BRIP1: variants seen among roughly 807,000 people sequenced by gnomAD.
The protein encoded by BRIP1 is BRCA1 interacting DNA helicase 1.
Under a neutral mutation model 119.7 loss-of-function variants are expected in BRIP1, and 88 were observed. The ratio of observed to expected loss-of-function variants is 0.74; its 90% CI spans 0.62 to 0.88. The LOEUF (loss-of-function observed/expected upper bound fraction) is 0.88. BRIP1 is among the 40% of genes least tolerant of loss of function. The pLI, the probability that BRIP1 is intolerant of heterozygous loss-of-function variation, is 0.00. For synonymous variants in BRIP1, 443 were observed against 496.5 expected, an observed-to-expected ratio of 0.89 and a Z score of 1.43; for missense variants, 1,259 against 1,455.4, an observed-to-expected ratio of 0.87 and a Z score of 2.20.
chr17:61,727,788 CTCTATA>C (rs1360190699), intron 16 of BRIP1, among the ~76,000 whole-genome samples: 2 of 145,412 alleles, frequency 1.4e-5, no homozygotes, highest in Admixed American at 6.8e-5. Flanking sequence ...CTCTCTCTCT[CTCTATA>C]TATATATATA....
chr17:61,743,158 T>C lies in BRIP1; in HGVS notation c.2258-24A>G, dbSNP rs1311011278. The C allele has an allele frequency of 6.2e-7, 1 of 1,613,126 alleles. No homozygotes were observed. The highest frequency in any genetic ancestry group is 8.5e-7 in the Non-Finnish European group (1 of 1,179,256). On this transcript the variant is annotated intron_variant, in intron 15 of 19. Transcript: ENST00000259008. This position sits in a 1 kb window ranked among gnomAD's most constrained non-coding sequence, Gnocchi z 4.3. Reference sequence around the variant, plus strand: ...ATCTTAAACAACAGAAAAAAGCATATCCAAAATTCTCAGAAATTGCTTATT... The same window carrying C: ...ATCTTAAACAACAGAAAAAAGCATACCCAAAATTCTCAGAAATTGCTTATT...
chr17:61,706,199 A>G lies in BRIP1; in HGVS notation c.2492+9752T>C, dbSNP rs566830781. 1.4e-4 allele frequency among the ~76,000 whole-genome samples: 21 copies of G among 152,064 alleles called. No individual in the cohort carries two copies. Among genetic ancestry groups the G allele is most frequent in the Admixed American group, 2.6e-4 (4 of 15,274 alleles). On this transcript the variant is annotated intron_variant, in intron 17 of 19. Coordinates refer to ENST00000259008, the MANE Select transcript of BRIP1 (RefSeq NM_032043.3). The surrounding 1 kb of genome is among the most constrained non-coding windows in gnomAD (Gnocchi z 5.7). ...CCTAATTTTGTTTGCTTGGAATTCT[A>G]CTTTATCTGGTATTATACAGTTACT...
chr17:61,731,897 T>G (rs2076848572), intron 16 of BRIP1, among the ~76,000 whole-genome samples: 1 of 142,874 alleles, frequency 7.0e-6, no homozygotes, highest in African/African-American at 2.5e-5. Flanking sequence ...TAATACTTGG[T>G]GCTCTAGCCA....
intron 10 of BRIP1, among the ~76,000 whole-genome samples, chr17:61,792,237 T>C (rs569759674): frequency 6.6e-6 from 1 of 152,290 alleles, no homozygotes; most frequent in East Asian, 1.9e-4. Flanking sequence ...CATACCACCA[T>C]ACCCGGCAGT....
intron 6 of BRIP1, among the ~76,000 whole-genome samples, chr17:61,836,431 A>G (rs1308573157): frequency 1.3e-5 from 2 of 152,126 alleles, no homozygotes; most frequent in Non-Finnish European, 2.9e-5. Context: ...CTATTTTTAA[A>G]TCTGCATTAA....
rs879250341 is a variant in BRIP1, at chr17:61,722,050, CT to C, written c.2380-5988del. On this transcript the variant is annotated intron_variant, in intron 16 of 19. Coordinates refer to ENST00000259008, the MANE Select transcript of BRIP1 (RefSeq NM_032043.3). The surrounding 1 kb of genome is among the most constrained non-coding windows in gnomAD (Gnocchi z 4.6). Reference sequence around the variant, plus strand: ...AGCCAACTTTGCTTTTTTTTTTTTTCTTTTTTTTTGAGACGGAGTCTTGCTC... The same window carrying C: ...AGCCAACTTTGCTTTTTTTTTTTTTCTTTTTTTTGAGACGGAGTCTTGCTC... Among the ~76,000 whole-genome samples the C allele has an allele frequency of 1.7e-5, 2 of 117,914 alleles. No homozygotes were observed. The highest frequency in any genetic ancestry group is 8.6e-5 in the Admixed American group (1 of 11,562). The allele number at this position is 117,914 out of a possible 152,430, so 77.4% of individuals were successfully genotyped here.
chr17:61,822,177 A>G lies in BRIP1; in HGVS notation c.628-13420T>C, dbSNP rs2078335766. ...ATTAGTAAATGACAAAAAATAAAAG[A>G]CAATAAAAGAAGAAGAAAAGCTATT... On this transcript the variant is annotated intron_variant, in intron 6 of 19. Coordinates refer to ENST00000259008, the MANE Select transcript of BRIP1 (RefSeq NM_032043.3). This position sits in a 1 kb window ranked among gnomAD's most constrained non-coding sequence, Gnocchi z 4.4. Among the ~76,000 whole-genome samples the G allele has an allele frequency of 6.6e-6, 1 of 152,168 alleles. No homozygotes were observed.
At chr17:61,800,038 G>A (rs1387277715) in intron 8 of BRIP1, among the ~76,000 whole-genome samples, 1 of 152,134 alleles carries the variant, frequency 6.6e-6, no homozygotes, top group Non-Finnish European at 1.5e-5. Context: ...GCCAACCAGA[G>A]TAATTTGGAG....
Position 61,687,776 on chromosome 17 carries a change from AT to A in BRIP1, c.2576-1612del. Among the ~76,000 whole-genome samples the A allele has an allele frequency of 6.6e-6, 1 of 152,306 alleles. No individual in the cohort carries two copies. The highest frequency in any genetic ancestry group is 1.9e-4 in the East Asian group (1 of 5,176). ...CTGCCTGCATCAAAGCGGTAGGAAA[AT>A]TTGTGGCACCCTCTTGTCATGATCC... On this transcript the variant is annotated intron_variant, in intron 18 of 19. Coordinates refer to ENST00000259008, the MANE Select transcript of BRIP1 (RefSeq NM_032043.3). The surrounding 1 kb of genome is among the most constrained non-coding windows in gnomAD (Gnocchi z 5.1).
At chr17:61,818,102 C>T (rs1224153570) in intron 6 of BRIP1, among the ~76,000 whole-genome samples, 1 of 145,592 alleles carries the variant, frequency 6.9e-6, no homozygotes, top group African/African-American at 2.6e-5. Context: ...CCTGTAATCC[C>T]AGCACTTTGG....
At chr17:61,715,897 TTA>T in intron 17 of BRIP1, 52 bp downstream of exon 17, 2 of 1,182,004 alleles carry the variant, frequency 1.7e-6, no homozygotes, top group Admixed American at 1.9e-5. Flanking sequence ...AAGACTAGAT[TTA>T]TATATATAGC....
chr17:61,686,189 G>A lies in BRIP1; in HGVS notation c.2576-24C>T, dbSNP rs771546411. ...TCCTAAAGAAAAAGGTAAACCCAGG[G>A]AAAATTTGGTTACTTAGTTATTAAA... On this transcript the variant is annotated intron_variant, in intron 18 of 19. Coordinates refer to ENST00000259008, the MANE Select transcript of BRIP1 (RefSeq NM_032043.3). The surrounding 1 kb of genome is among the most constrained non-coding windows in gnomAD (Gnocchi z 5.4). 6.2e-7 allele frequency: 1 copy of A among 1,608,422 alleles called. No homozygotes were observed. Among genetic ancestry groups the A allele is most frequent in the South Asian group, 1.1e-5 (1 of 90,922 alleles).
rs2078911284 is a variant in BRIP1 at position 61,857,230 on chromosome 17, C to T, written c.207G>A (p.Gly69=). ...CACTTACGCCCTCATCTGCTGGTTT[C>T]CCTAAAAATGAAAGAACATCTATTT... The part of the protein sequence containing the change: ...SALAWQQSLS[G]KPADEGVSEK... The change falls in exon 4 of 20, where the codon GGG becomes GGA. Residue 69 remains glycine (G), a splice_region_variant and synonymous_variant. Coordinates refer to ENST00000259008, the MANE Select transcript of BRIP1 (RefSeq NM_032043.3). The surrounding 1 kb of genome is among the most constrained non-coding windows in gnomAD (Gnocchi z 5.1). 2 of 1,612,492 alleles carry T rather than the reference C, an allele frequency of 1.2e-6. No individual in the cohort carries two copies. Among genetic ancestry groups the T allele is most frequent in the Non-Finnish European group, 1.7e-6 (2 of 1,178,844 alleles).
rs2078956992 is a variant in BRIP1 at position 61,860,335 on chromosome 17, C to T, written c.94-428G>A. 6.6e-6 allele frequency among the ~76,000 whole-genome samples: 1 copy of T among 152,182 alleles called. No individual in the cohort carries two copies. Among genetic ancestry groups the T allele is most frequent in the East Asian group, 1.9e-4 (1 of 5,194 alleles). On this transcript the variant is annotated intron_variant, in intron 2 of 19. Transcript: ENST00000259008. The surrounding 1 kb of genome is among the most constrained non-coding windows in gnomAD (Gnocchi z 4.1). ...CAGCAAGTCCAGTTCTATGTGTACA[C>T]CCAAAACCTTTCCCACATGAACACA... is the stretch of plus-strand genomic sequence containing the variant.
chr17:61,771,450 T>A (rs868690279), intron 14 of BRIP1, among the ~76,000 whole-genome samples: 2 of 152,164 alleles, frequency 1.3e-5, no homozygotes, highest in Non-Finnish European at 2.9e-5. Flanking sequence ...AATAAGCACA[T>A]GAAAATATAC....
chr17:61,772,157 TTATATATATATATATATATA>T (rs71150699), intron 14 of BRIP1, among the ~76,000 whole-genome samples: 1,108 of 76,860 alleles, frequency 0.014, 27 homozygotes, highest in African/African-American at 0.05. Flanking sequence ...AAATGTGAGA[TTATATATATATATATATATA>T]TATATATATA....
chr17:61,782,168 G>A (rs374954304), intron 11 of BRIP1, among the ~76,000 whole-genome samples: 1 of 151,814 alleles, frequency 6.6e-6, no homozygotes, highest in Non-Finnish European at 1.5e-5. Flanking sequence ...GGCGGATCAC[G>A]AGGTCAGGAG....
At chr17:61,784,817 A>G (rs2077681277) in intron 10 of BRIP1, among the ~76,000 whole-genome samples, 1 of 152,148 alleles carries the variant, frequency 6.6e-6, no homozygotes, top group Non-Finnish European at 1.5e-5. Flanking sequence ...ACCTTTTGCC[A>G]TCAGTGGAAG....
rs945106059 is a variant in BRIP1 at position 61,720,779 on chromosome 17, T to A, written c.2380-4716A>T. ...GACCTCTATTTTACTTAATAATACT[T>A]TACTAAATTGTAAACCTACTCAAGA... is the stretch of plus-strand genomic sequence containing the variant. On this transcript the variant is annotated intron_variant, in intron 16 of 19. Transcript: ENST00000259008. The surrounding 1 kb of genome is among the most constrained non-coding windows in gnomAD (Gnocchi z 4.3). Among the ~76,000 whole-genome samples, 2 of 152,228 alleles carry A rather than the reference T, an allele frequency of 1.3e-5. No homozygotes were observed. The highest frequency in any genetic ancestry group is 4.8e-5 in the African/African-American group (2 of 41,462).
Sources: gnomAD v4.1 joint callset for allele counts (sites outside exome capture counted in the v4.1 genomes callset) on GRCh38, gnomAD v4.1.1 for gene constraint, Gnocchi (gnomAD v3.1) non-coding constraint, MANE v1.5 for transcripts, NCBI Gene and HGNC (gene_info 2026-07-23, HGNC 2026-07-21) for gene names.